The following APOBEC3D variants were observed in gnomAD, a reference collection of about 807,000 sequenced individuals.
APOBEC3D encodes the protein DNA dC->dU-editing enzyme APOBEC-3D.
APOBEC3D carries 37 observed loss-of-function variants against 45.6 expected under a neutral mutation model. The ratio of observed to expected loss-of-function variants is 0.81; its 90% CI spans 0.62 to 1.07. The LOEUF is 1.07. Ranked by LOEUF, APOBEC3D falls within the 50% of genes least tolerant of loss-of-function variation. APOBEC3D has a pLI of 0.00. For synonymous variants in APOBEC3D, 175 were observed against 180.7 expected, an observed-to-expected ratio of 0.97 and a Z score of 0.25; for missense variants, 496 against 495.3, an observed-to-expected ratio of 1.00 and a Z score of -0.01.
In APOBEC3D at chr22:39,032,501, A is replaced by T; in HGVS notation, c.*185A>T. On this transcript the variant is annotated 3_prime_UTR_variant, in exon 7 of 7. Transcript: ENST00000216099. ...CCCCGCTCTCCCAGGCTCTTCTTGTAGAGGCTCTCCATCCACCTCCCCAGT... is the reference window on the plus strand; with the variant it reads ...CCCCGCTCTCCCAGGCTCTTCTTGTTGAGGCTCTCCATCCACCTCCCCAGT... 7.2e-7 allele frequency: 1 copy of T among 1,379,798 alleles called. No homozygotes were observed. The highest frequency in any genetic ancestry group is 9.4e-7 in the Non-Finnish European group (1 of 1,068,128). The allele number at this position is 1,379,798 out of a possible 1,614,324, so 85.5% of individuals were successfully genotyped here.
Position 39,029,475 on chromosome 22 carries a change from C to T in APOBEC3D, c.718C>T (p.His240Tyr), listed in dbSNP as rs374730869. ...WLCFTMEVTK[H>Y]HSAVFRKRGV... ...GTGCTTCACCATGGAAGTTACAAAG[C>T]ACCACTCAGCTGTCTTCCGGAAGAG... is the stretch of plus-strand genomic sequence containing the variant. Residue 240 changes from histidine (H) to tyrosine (Y), a missense_variant, in exon 5 of 7, where the codon CAC becomes TAC. His to Tyr is a moderately conservative substitution (Grantham distance 83). Coordinates refer to ENST00000216099, the MANE Select transcript of APOBEC3D (RefSeq NM_152426.4). 2.5e-6 allele frequency: 4 copies of T among 1,614,068 alleles called. No homozygotes were observed. In the African/African-American group the frequency reaches 4.0e-5, roughly 16 times the overall value.
rs765324894 is a variant in APOBEC3D, at chr22:39,025,212, A to C, written c.353A>C (p.Lys118Thr). 1.3e-5 allele frequency: 21 copies of C among 1,613,658 alleles called. No homozygotes were observed. The South Asian group carries it at 2.2e-4, about 17-fold the overall frequency. Residue 118 changes from lysine (K) to threonine (T), a missense_variant, in exon 3 of 7, where the codon AAA (lysine) becomes ACA (threonine). Lys to Thr is a moderately conservative substitution (Grantham distance 78). Transcript: ENST00000216099. ...PCLPCVVKVT[K>T]FLAEHPNVTL... ...CTGCCCTGTGTGGTGAAGGTGACCA[A>C]ATTCTTGGCTGAGCACCCCAATGTC...
chr22:39,023,276 C>T (rs539768814), intron 2 of APOBEC3D, among the ~76,000 whole-genome samples: 4 of 151,666 alleles, frequency 2.6e-5, no homozygotes, highest in South Asian at 4.2e-4. Context: ...CTACCACGCC[C>T]GGCTAATTTT....
intron 1 of APOBEC3D, among the ~76,000 whole-genome samples, 197 bp downstream of exon 1, chr22:39,021,733 A>G (rs547794354): frequency 4.6e-5 from 7 of 151,520 alleles, no homozygotes; most frequent in African/African-American, 1.5e-4. Context: ...TGAATGGGCC[A>G]CCTTCCCCAC....
intron 4 of APOBEC3D, among the ~76,000 whole-genome samples, chr22:39,027,941 C>T (rs1404705154): frequency 2.0e-5 from 3 of 152,222 alleles, no homozygotes; most frequent in Non-Finnish European, 2.9e-5. Flanking sequence ...CCTCTGTGTG[C>T]TTCCCGCCAT....
At chr22:39,031,548 C>G in intron 5 of APOBEC3D, 146 bp from the exon 6 acceptor site, 1 of 1,265,354 alleles carries the variant, frequency 7.9e-7, no homozygotes. Context: ...CCAGCTTGGG[C>G]AACAGGAGAG....
chr22:39,031,899 G>A lies in APOBEC3D; in HGVS notation c.968G>A (p.Trp323Ter). Residue 323 changes from tryptophan to a stop codon, truncating the protein, a stop_gained, in exon 6 of 7, where the codon TGG becomes TAG. Coordinates refer to ENST00000216099, the MANE Select transcript of APOBEC3D (RefSeq NM_152426.4). LOFTEE classifies it high-confidence loss of function. ...TTCACCGCCCGCCTCTGCTACTTCT[G>A]GGATACAGATTACCAGGAGGGGCTC... Reference protein sequence around the residue: ...TIFTARLCYFWDTDYQEGLCS... With the variant: ...TIFTARLCYF 6.2e-7 allele frequency: 1 copy of A among 1,614,198 alleles called. No homozygotes were observed. The highest frequency in any genetic ancestry group is 1.1e-5 in the South Asian group (1 of 91,076).
chr22:39,031,982 T>TG lies in APOBEC3D; in HGVS notation c.1042+15dup. On this transcript the variant is annotated intron_variant, in intron 6 of 6. Transcript: ENST00000216099. Reference sequence around the variant, plus strand: ...GATCATGGGCTACAAAGGTGAGACGTGGGGGGCTGAGGAGAGTGGGTGCGG... The same window carrying TG: ...GATCATGGGCTACAAAGGTGAGACGTGGGGGGGCTGAGGAGAGTGGGTGCGG... 6.2e-7 allele frequency: 1 copy of TG among 1,613,188 alleles called. No individual in the cohort carries two copies. The highest frequency in any genetic ancestry group is 8.5e-7 in the Non-Finnish European group (1 of 1,179,734).
chr22:39,031,631 A>G, intron 5 of APOBEC3D, 63 bp from the exon 6 acceptor site: 1 of 1,591,784 alleles, frequency 6.3e-7, no homozygotes, highest in Non-Finnish European at 8.6e-7. Flanking sequence ...CCATCGCCCC[A>G]CCCCTACACT....
chr22:39,023,468 A>G (rs543499686), intron 2 of APOBEC3D, among the ~76,000 whole-genome samples: 73 of 131,746 alleles, frequency 5.5e-4, no homozygotes, highest in Middle Eastern at 9.4e-3. Flanking sequence ...TTTTTTTGAG[A>G]CAGAGTTTTA....
Position 39,031,894 on chromosome 22 carries a change from C to T in APOBEC3D, c.963C>T (p.Tyr321=), listed in dbSNP as rs202184416. Residue 321 remains tyrosine (Y), a synonymous_variant, in exon 6 of 7, where the codon TAC becomes TAT. Coordinates refer to ENST00000216099, the MANE Select transcript of APOBEC3D (RefSeq NM_152426.4). ...CCATCTTCACCGCCCGCCTCTGCTA[C>T]TTCTGGGATACAGATTACCAGGAGG... The part of the protein sequence containing the change: ...NLTIFTARLC[Y]FWDTDYQEGL... 43 of 1,614,230 alleles carry T rather than the reference C, an allele frequency of 2.7e-5. 1 individual carries two copies. The East Asian group carries it at 8.5e-4, about 32-fold the overall frequency.
intron 5 of APOBEC3D, 99 bp downstream of exon 5, chr22:39,029,618 G>T: frequency 2.2e-6 from 3 of 1,340,500 alleles, no homozygotes; most frequent in Non-Finnish European, 3.0e-6. Context: ...TCTGCTATGT[G>T]TACTTTCCTC....
chr22:39,021,634 C>A, intron 1 of APOBEC3D, 98 bp downstream of exon 1: 1 of 1,545,924 alleles, frequency 6.5e-7, no homozygotes, highest in Non-Finnish European at 8.9e-7. Flanking sequence ...CCAGCCCCAG[C>A]CCTGGACTTC....
rs1180708554 is a variant in APOBEC3D, at chr22:39,025,199, G to A, written c.340G>A (p.Val114Met). 3 of 1,613,768 alleles carry A rather than the reference G, an allele frequency of 1.9e-6. No individual in the cohort carries two copies. Among genetic ancestry groups the A allele is most frequent in the South Asian group, 2.2e-5 (2 of 91,050 alleles). Residue 114 changes from valine (V) to methionine (M), a missense_variant, in exon 3 of 7, where the codon GTG (valine) becomes ATG (methionine). By Grantham distance (21) the Val-to-Met change is conservative (BLOSUM62 1). Coordinates refer to ENST00000216099, the MANE Select transcript of APOBEC3D (RefSeq NM_152426.4). ...ATGGAACCCCTGCCTGCCCTGTGTG[G>A]TGAAGGTGACCAAATTCTTGGCTGA... ...VSWNPCLPCV[V>M]KVTKFLAEHP...
Position 39,031,990 on chromosome 22 carries a change from T to C in APOBEC3D, c.1042+17T>C. ...GCTACAAAGGTGAGACGTGGGGGGC[T>C]GAGGAGAGTGGGTGCGGGAGGGACA... On this transcript the variant is annotated intron_variant, in intron 6 of 6. Transcript: ENST00000216099. 4 of 1,613,444 alleles carry C rather than the reference T, an allele frequency of 2.5e-6. No individual in the cohort carries two copies. Among genetic ancestry groups the C allele is most frequent in the Non-Finnish European group, 3.4e-6 (4 of 1,179,636 alleles).
In APOBEC3D at chr22:39,025,600, G is replaced by C; in HGVS notation, c.534G>C (p.Gln178His). 1 of 1,614,072 alleles carries C rather than the reference G, an allele frequency of 6.2e-7. No individual in the cohort carries two copies. The highest frequency in any genetic ancestry group is 8.5e-7 in the Non-Finnish European group (1 of 1,179,990). The change falls in exon 4 of 7, where the codon CAG (glutamine) becomes CAC (histidine). Residue 178 changes from glutamine to histidine, a missense_variant. Gln to His is a conservative substitution (Grantham distance 24, BLOSUM62 0). Transcript: ENST00000216099. ...AAAACTTTGTGTGCAATGAAGGTCA[G>C]CCATTCATGCCTTGGTACAAATTCG... ...CWENFVCNEG[Q>H]PFMPWYKFDD... is the part of the protein sequence containing the mutation.
At chr22:39,031,031 G>T (rs79069173) in intron 5 of APOBEC3D, among the ~76,000 whole-genome samples, 4,965 of 152,124 alleles carry the variant, frequency 0.033, 271 homozygotes, top group African/African-American at 0.11. Context: ...CCAGGCGTAG[G>T]AGTGCGCGAC....
chr22:39,024,054 G>C (rs1047179364), intron 2 of APOBEC3D, among the ~76,000 whole-genome samples: 5 of 152,160 alleles, frequency 3.3e-5, no homozygotes, highest in African/African-American at 1.2e-4. Context: ...TGAAGCACAA[G>C]TGTTTCCAGT....
At chr22:39,030,866 G>A (rs1926140261) in intron 5 of APOBEC3D, among the ~76,000 whole-genome samples, 1 of 152,286 alleles carries the variant, frequency 6.6e-6, no homozygotes, top group African/African-American at 2.4e-5. Context: ...AGAAGGAAGG[G>A]GCCAAGCGCG....
Sources: gnomAD v4.1 joint callset for allele counts (sites outside exome capture counted in the v4.1 genomes callset) on GRCh38, gnomAD v4.1.1 for gene constraint, MANE v1.5 for transcripts, NCBI Gene and HGNC (gene_info 2026-07-23, HGNC 2026-07-21) for gene names.